The following MACROD2 variants were observed in gnomAD, a reference collection of about 807,000 sequenced individuals.
The protein encoded by MACROD2 is ADP-ribose glycohydrolase MACROD2.
A neutral mutation model predicts 70.4 loss-of-function variants in MACROD2; 36 were observed. The observed-to-expected ratio is 0.51, with a 90% CI of 0.39 to 0.68. The LOEUF is 0.68. Ranked by LOEUF, MACROD2 falls within the 30% of genes least tolerant of loss-of-function variation. The pLI is 0.00. For missense variants in MACROD2, 496 were observed against 538.4 expected (o/e 0.92, Z 0.78); for synonymous variants, 172 against 178.8 (o/e 0.96, Z 0.30).
rs183737638 is a variant in MACROD2 at position 15,477,699 on chromosome 20, C to T, written c.572-22075C>T. On this transcript the variant is annotated intron_variant, in intron 7 of 17. Transcript: ENST00000684519. ...AACTATGGCCTCAAAAAGAGGTCCG[C>T]GTCCTAGTTCACAGAACCTATGAAT... 4.6e-5 allele frequency among the ~76,000 whole-genome samples: 7 copies of T among 152,230 alleles called. No homozygotes were observed. In the East Asian group the frequency reaches 5.8e-4, roughly 13 times the overall value.
At chr20:14,944,511 G>T (rs888761361) in intron 5 of MACROD2, among the ~76,000 whole-genome samples, 1 of 152,142 alleles carries the variant, frequency 6.6e-6, no homozygotes, top group Non-Finnish European at 1.5e-5. Flanking sequence ...AGGCTTGTCT[G>T]CTGTCAATTT....
chr20:14,661,026 G>C (rs6042841), intron 4 of MACROD2, among the ~76,000 whole-genome samples: 104,253 of 151,898 alleles, frequency 0.69, 36,612 homozygotes, highest in African/African-American at 0.83. Context: ...GTGCAGGTAT[G>C]CTTTTGGGAG....
At chr20:14,476,988 C>T (rs2123060677) in intron 3 of MACROD2, among the ~76,000 whole-genome samples, 1 of 152,228 alleles carries the variant, frequency 6.6e-6, no homozygotes, top group Non-Finnish European at 1.5e-5. Flanking sequence ...GACTGTCAGT[C>T]TCTCAGGTAC....
At chr20:15,854,576 T>C (rs1410646067) in intron 8 of MACROD2, among the ~76,000 whole-genome samples, 1 of 152,148 alleles carries the variant, frequency 6.6e-6, no homozygotes, top group Non-Finnish European at 1.5e-5. Context: ...ACTGTGAAAC[T>C]GTGAGATAAT....
chr20:14,856,807 G>C (rs2073259597), intron 5 of MACROD2, among the ~76,000 whole-genome samples: 1 of 151,978 alleles, frequency 6.6e-6, no homozygotes, highest in East Asian at 1.9e-4. Context: ...GACTAGATTT[G>C]GGATGGTTGC....
intron 3 of MACROD2, among the ~76,000 whole-genome samples, chr20:14,192,629 G>T (rs147899881): frequency 6.6e-6 from 1 of 152,124 alleles, no homozygotes. Context: ...GGGGTCTGAG[G>T]TGACATAGTG....
intron 6 of MACROD2, among the ~76,000 whole-genome samples, chr20:15,261,451 T>C (rs1159159509): frequency 6.6e-6 from 1 of 152,006 alleles, no homozygotes; most frequent in Admixed American, 6.6e-5. Context: ...AGGTTAAGTC[T>C]AATTGGCTTG....
chr20:14,205,652 C>G (rs985779594), intron 3 of MACROD2, among the ~76,000 whole-genome samples: 1 of 152,182 alleles, frequency 6.6e-6, no homozygotes, highest in Non-Finnish European at 1.5e-5. Context: ...TGCTAATGAA[C>G]TTGGTGGGTT....
chr20:15,632,923 T>TC (rs1202267326), intron 8 of MACROD2, among the ~76,000 whole-genome samples: 3 of 151,394 alleles, frequency 2.0e-5, no homozygotes, highest in Non-Finnish European at 4.4e-5. Context: ...TCTCCCTTCC[T>TC]CCCCTTCTTT....
intron 6 of MACROD2, among the ~76,000 whole-genome samples, chr20:15,246,779 C>T (rs1338854661): frequency 1.3e-5 from 2 of 152,142 alleles, no homozygotes; most frequent in African/African-American, 2.4e-5. Flanking sequence ...ATGTTCATAG[C>T]AGCATTATTA....
chr20:14,075,393 A>G (rs1331784309), intron 2 of MACROD2, among the ~76,000 whole-genome samples: 1 of 152,190 alleles, frequency 6.6e-6, no homozygotes, highest in South Asian at 2.1e-4. Context: ...GTGTAATACT[A>G]TCTGCGGTTT....
rs201299363 is a variant in MACROD2 at position 15,135,517 on chromosome 20, C to T, written c.419-94423C>T. Among the ~76,000 whole-genome samples the T allele has an allele frequency of 5.4e-4, 76 of 141,364 alleles. 1 individual carries two copies. In the East Asian group the frequency reaches 0.015, roughly 28 times the overall value. 92.7% of individuals were successfully genotyped at this position (141,364 alleles called of 152,430 possible). A position where few individuals can be genotyped will look rare whatever the true frequency, so the allele number is the denominator to read the frequency against. On this transcript the variant is annotated intron_variant, in intron 5 of 17. Transcript: ENST00000684519. The stretch of plus-strand genomic sequence containing the variant: ...AGGCCTTTGACAAAATTCAACAACC[C>T]TTCATGCTAAAAACTCTCAATAAAT...
intron 12 of MACROD2, among the ~76,000 whole-genome samples, chr20:15,945,678 C>A (rs1033596): frequency 6.6e-6 from 1 of 152,106 alleles, no homozygotes; most frequent in East Asian, 1.9e-4. Flanking sequence ...GGATGTAAAG[C>A]AATCTCTCAT....
At chr20:14,877,761 G>A (rs182947969) in intron 5 of MACROD2, among the ~76,000 whole-genome samples, 1 of 152,162 alleles carries the variant, frequency 6.6e-6, no homozygotes, top group East Asian at 1.9e-4. Flanking sequence ...TTCTGTTTGT[G>A]TGGTGAATCA....
chr20:15,650,594 T>C (rs936856938), intron 8 of MACROD2, among the ~76,000 whole-genome samples: 1 of 152,150 alleles, frequency 6.6e-6, no homozygotes, highest in Non-Finnish European at 1.5e-5. Flanking sequence ...TAAATATACA[T>C]TTAATTTTTT....
At chr20:15,853,950 A>G (rs1419353034) in intron 8 of MACROD2, among the ~76,000 whole-genome samples, 1 of 152,160 alleles carries the variant, frequency 6.6e-6, no homozygotes, top group Admixed American at 6.6e-5. Context: ...TCACAGGTAA[A>G]TGGTAAAGTC....
chr20:15,664,550 G>A (rs1333548363), intron 8 of MACROD2, among the ~76,000 whole-genome samples: 1 of 152,124 alleles, frequency 6.6e-6, no homozygotes, highest in Non-Finnish European at 1.5e-5. Flanking sequence ...GGCTGGCTGG[G>A]GTTGGCTGAC....
At chr20:14,356,350 T>G (rs2083171649) in intron 3 of MACROD2, among the ~76,000 whole-genome samples, 1 of 152,078 alleles carries the variant, frequency 6.6e-6, no homozygotes, top group African/African-American at 2.4e-5. Context: ...CAGCTATCTA[T>G]TACCTCATAA....
chr20:15,743,790 T>C (rs374540761), intron 8 of MACROD2, among the ~76,000 whole-genome samples: 2 of 152,230 alleles, frequency 1.3e-5, no homozygotes, highest in East Asian at 3.8e-4. Flanking sequence ...CTTCCATCTC[T>C]GAATCCACTC....
Sources: allele counts gnomAD v4.1 joint callset (sites outside exome capture counted in the v4.1 genomes callset), GRCh38; gene constraint gnomAD v4.1.1; transcripts MANE v1.5; gene names NCBI Gene and HGNC (gene_info 2026-07-23, HGNC 2026-07-21).